Variants in BCKDHB observed in about 807,000 individuals in gnomAD.
BCKDHB encodes the protein branched chain keto acid dehydrogenase E1 subunit beta, also known as 2-oxoisovalerate dehydrogenase subunit beta, mitochondrial.
BCKDHB carries 41 observed loss-of-function variants against 48.5 expected under a neutral mutation model. The observed-to-expected ratio is 0.85, with a 90% CI of 0.66 to 1.10. The LOEUF is 1.10. Among genes scored for constraint, BCKDHB ranks in the 50% least tolerant of loss-of-function variants. The pLI is 0.00. For synonymous variants in BCKDHB, 201 were observed against 174.8 expected, an observed-to-expected ratio of 1.15 and a Z score of -1.18; for missense variants, 496 against 494.2, an observed-to-expected ratio of 1.00 and a Z score of -0.03.
At chr6:80,329,310 T>A (rs1050684859) in intron 9 of BCKDHB, among the ~76,000 whole-genome samples, 1 of 152,192 alleles carries the variant, frequency 6.6e-6, no homozygotes, top group African/African-American at 2.4e-5. Context: ...TCTGCTCATA[T>A]TGATAGTGTG....
chr6:80,281,421 G>A (rs140915337), intron 9 of BCKDHB, among the ~76,000 whole-genome samples: 33 of 152,250 alleles, frequency 2.2e-4, no homozygotes, highest in African/African-American at 7.5e-4. Flanking sequence ...AATATTAAAT[G>A]CTTCCAGAAT....
intron 3 of BCKDHB, among the ~76,000 whole-genome samples, chr6:80,142,347 GTC>G (rs1206330304): frequency 6.6e-6 from 1 of 151,996 alleles, no homozygotes; most frequent in African/African-American, 2.4e-5. Flanking sequence ...TATAAATACT[GTC>G]TATCTATTAT....
intron 8 of BCKDHB, among the ~76,000 whole-genome samples, chr6:80,271,193 A>G (rs1266822077): frequency 3.9e-5 from 6 of 152,144 alleles, no homozygotes; most frequent in African/African-American, 1.2e-4. Flanking sequence ...TTTACAAAAT[A>G]TAAGATTATA....
intron 8 of BCKDHB, among the ~76,000 whole-genome samples, chr6:80,265,726 G>A (rs140049438): frequency 6.2e-4 from 95 of 152,164 alleles, no homozygotes; most frequent in African/African-American, 2.1e-3. Flanking sequence ...GAATTTTTCA[G>A]TCAGCTTGTA....
At chr6:80,205,843 T>G (rs1278873209) in intron 8 of BCKDHB, among the ~76,000 whole-genome samples, 1 of 146,228 alleles carries the variant, frequency 6.8e-6, no homozygotes, top group East Asian at 2.1e-4. Flanking sequence ...TGTAGGTGGA[T>G]TGGCTTAAGA....
the BCKDHB span, among the ~76,000 whole-genome samples, chr6:80,419,540 C>G: frequency 6.6e-6 from 1 of 152,196 alleles, no homozygotes; most frequent in Non-Finnish European, 1.5e-5. Flanking sequence ...GGATGGTTTT[C>G]CCTGGCCATG....
At chr6:80,146,139 G>T (rs1257045029) in intron 3 of BCKDHB, among the ~76,000 whole-genome samples, 3 of 152,104 alleles carry the variant, frequency 2.0e-5, no homozygotes, top group African/African-American at 7.2e-5. Context: ...TGGCCAGGGT[G>T]TTGGAGGTTT....
intron 8 of BCKDHB, among the ~76,000 whole-genome samples, chr6:80,263,329 A>C (rs148895726): frequency 6.6e-6 from 1 of 152,340 alleles, no homozygotes; most frequent in East Asian, 1.9e-4. Flanking sequence ...TCTTTTCCTG[A>C]ATCCATTTGT....
At chr6:80,265,932 A>G (rs1452435798) in intron 8 of BCKDHB, among the ~76,000 whole-genome samples, 1 of 152,050 alleles carries the variant, frequency 6.6e-6, no homozygotes, top group Non-Finnish European at 1.5e-5. Flanking sequence ...TCACTTTTTT[A>G]TTTATTAGAA....
intron 3 of BCKDHB, among the ~76,000 whole-genome samples, chr6:80,150,550 C>CTTTTTTTTTTTTTTTT (rs758701261): frequency 9.5e-6 from 1 of 105,466 alleles, no homozygotes; most frequent in Non-Finnish European, 1.8e-5. Context: ...AGTTTGTCAT[C>CTTTTTTTTTTTTTTTT]TTTTTTTTTT....
chr6:80,443,072 T>C, the BCKDHB span, among the ~76,000 whole-genome samples: 1 of 152,110 alleles, frequency 6.6e-6, no homozygotes, highest in Non-Finnish European at 1.5e-5. Context: ...GAAAGGCTGA[T>C]GAAATCAGCA....
At chr6:80,324,186 C>T (rs941819973) in intron 9 of BCKDHB, among the ~76,000 whole-genome samples, 5 of 152,148 alleles carry the variant, frequency 3.3e-5, no homozygotes, top group Non-Finnish European at 7.4e-5. Context: ...AATAGCTATT[C>T]AGCAGTGAGC....
chr6:80,345,312 A>G lies in BCKDHB; in HGVS notation c.*1508A>G, dbSNP rs1178161726. 1 of 152,208 alleles carries G rather than the reference A, an allele frequency of 6.6e-6. No homozygotes were observed. Among genetic ancestry groups the G allele is most frequent in the Non-Finnish European group, 1.5e-5 (1 of 68,038 alleles). The allele number at this position is 152,208 out of a possible 1,614,324, so 9.4% of individuals were successfully genotyped here. Reference sequence around the variant, plus strand: ...AAATGATAGTAATATCTTTTGAAGAACTATGCTTTTTCAAAAGCAAAATCA... The same window carrying G: ...AAATGATAGTAATATCTTTTGAAGAGCTATGCTTTTTCAAAAGCAAAATCA... On this transcript the variant is annotated 3_prime_UTR_variant, in exon 10 of 10. Transcript: ENST00000320393.
At chr6:80,440,652 A>G in the BCKDHB span, 2 of 150,036 alleles carry the variant, frequency 1.3e-5, no homozygotes, top group Admixed American at 6.6e-5. Context: ...TGTCTCTACA[A>G]CTCCCTTTCA....
intron 9 of BCKDHB, among the ~76,000 whole-genome samples, chr6:80,284,264 A>G (rs78901054): frequency 1.3e-5 from 2 of 152,142 alleles, no homozygotes; most frequent in Admixed American, 6.5e-5. Context: ...TTTCTCCTCA[A>G]TTTGAAGTTA....
the BCKDHB span, among the ~76,000 whole-genome samples, chr6:80,419,801 G>A: frequency 6.6e-6 from 1 of 152,088 alleles, no homozygotes; most frequent in African/African-American, 2.4e-5. Flanking sequence ...TCCCATGAAC[G>A]GTTCCCAGCT....
chr6:80,248,562 C>G (rs1776706791), intron 8 of BCKDHB, among the ~76,000 whole-genome samples: 1 of 152,094 alleles, frequency 6.6e-6, no homozygotes, highest in Non-Finnish European at 1.5e-5. Context: ...AGGCTTCTGG[C>G]TTGACTACAG....
intron 9 of BCKDHB, among the ~76,000 whole-genome samples, chr6:80,333,411 G>A (rs574635735): frequency 2.0e-4 from 31 of 152,230 alleles, no homozygotes; most frequent in Non-Finnish European, 3.4e-4. Flanking sequence ...TTTAGTCTGG[G>A]TAACTAAATA....
At chr6:80,109,475 T>G (rs1240525472) in intron 1 of BCKDHB, among the ~76,000 whole-genome samples, 4 of 152,224 alleles carry the variant, frequency 2.6e-5, no homozygotes, top group African/African-American at 9.6e-5. Flanking sequence ...TTAATGGATT[T>G]TAAGTGCATA....
Sources: gnomAD v4.1 joint callset for allele counts (sites outside exome capture counted in the v4.1 genomes callset) on GRCh38, gnomAD v4.1.1 for gene constraint, MANE v1.5 for transcripts, NCBI Gene and HGNC (gene_info 2026-07-23, HGNC 2026-07-21) for gene names.